The following NPAS1 variants were observed in gnomAD, a reference collection of about 807,000 sequenced individuals.
NPAS1 encodes neuronal PAS domain protein 1, also known as neuronal PAS domain-containing protein 1.
Under a neutral mutation model 49.2 loss-of-function variants are expected in NPAS1, and 29 were observed. The observed-to-expected ratio is 0.59, with a 90% CI of 0.44 to 0.80. The LOEUF (loss-of-function observed/expected upper bound fraction) is 0.80. Among genes scored for constraint, NPAS1 ranks in the 30% least tolerant of loss-of-function variants. NPAS1 has a pLI of 0.00. For missense variants in NPAS1, 825 were observed against 835.5 expected, an observed-to-expected ratio of 0.99 and a Z score of 0.15; for synonymous variants, 408 against 380.4, an observed-to-expected ratio of 1.07 and a Z score of -0.84.
Position 47,035,926 on chromosome 19 carries a change from C to G in NPAS1, c.523-38C>G. The G allele has an allele frequency of 2.0e-6, 3 of 1,475,224 alleles. No homozygotes were observed. In the South Asian group the frequency reaches 4.3e-5, roughly 21 times the overall value. 91.4% of individuals were successfully genotyped at this position (1,475,224 alleles called of 1,614,324 possible). ...GGGCGAGCGAGTTACTGCGCGCGCA[C>G]CTCACCCGCCCCCTGCATTCCCCTC... On this transcript the variant is annotated intron_variant, in intron 5 of 11. Coordinates refer to ENST00000602212, the MANE Select transcript of NPAS1 (RefSeq NM_002517.4).
chr19:47,036,236 ACTGTGTAGAACGAAT>A, intron 6 of NPAS1, 107 bp downstream of exon 6: 1 of 1,158,674 alleles, frequency 8.6e-7, no homozygotes, highest in Non-Finnish European at 1.2e-6. Context: ...TGAAGTTAGA[ACTGTGTAGAACGAAT>A]CTTTGCAAAA....
At chr19:47,036,183 C>T in intron 6 of NPAS1, 54 bp downstream of exon 6, 4 of 1,510,316 alleles carry the variant, frequency 2.6e-6, no homozygotes, top group Non-Finnish European at 3.6e-6. Context: ...GGGGGACGCC[C>T]GCTGTACTGT....
Position 47,045,046 on chromosome 19 carries a change from C to G in NPAS1, c.1313-145C>G, listed in dbSNP as rs1237545390. Reference sequence around the variant, plus strand: ...CTCCGTCTCACAAAAAAACAAAAAACAAAAACAAAACAAACAAACAAAAAA... The same window carrying G: ...CTCCGTCTCACAAAAAAACAAAAAAGAAAAACAAAACAAACAAACAAAAAA... On this transcript the variant is annotated intron_variant, in intron 11 of 11. Coordinates refer to ENST00000602212, the MANE Select transcript of NPAS1 (RefSeq NM_002517.4). The G allele has an allele frequency of 9.5e-6, 8 of 842,968 alleles. No individual in the cohort carries two copies. In the South Asian group the frequency reaches 1.2e-4, roughly 12 times the overall value. 52.2% of individuals were successfully genotyped at this position (842,968 alleles called of 1,614,324 possible).
chr19:47,020,480 C>T (rs1013805643), intron 1 of NPAS1, among the ~76,000 whole-genome samples: 1 of 151,920 alleles, frequency 6.6e-6, no homozygotes, highest in Non-Finnish European at 1.5e-5. Context: ...GGGGGGATCC[C>T]TGGGCAGGAC....
At chr19:47,037,895 C>T (rs892534079) in intron 6 of NPAS1, among the ~76,000 whole-genome samples, 1 of 152,170 alleles carries the variant, frequency 6.6e-6, no homozygotes. Context: ...TTGCTATTCC[C>T]CAATCCCCTG....
rs190280838 is a variant in NPAS1, at chr19:47,034,256, G to A, written c.522+1524G>A. Among the ~76,000 whole-genome samples, 3 of 148,402 alleles carry A rather than the reference G, an allele frequency of 2.0e-5. No individual in the cohort carries two copies. The East Asian group carries it at 6.1e-4, about 30-fold the overall frequency. ...TTGAACCCAGGAAGTGGAGGGTACA[G>A]TGAGCCGAGATCGTGGCATTGCACT... On this transcript the variant is annotated intron_variant, in intron 5 of 11. Coordinates refer to ENST00000602212, the MANE Select transcript of NPAS1 (RefSeq NM_002517.4).
chr19:47,027,558 GTCTGCCCCTGGTCTCCCTTCTC>G (rs1490144240), intron 3 of NPAS1, among the ~76,000 whole-genome samples: 649 of 18,660 alleles, frequency 0.035, 316 homozygotes, highest in Middle Eastern at 0.1. Context: ...TCTCCTGTCT[GTCTGCCCCTGGTCTCCCTTCTC>G]TCTGCCCCTG....
In NPAS1 at chr19:47,029,055, G is replaced by A. The variant is rs997081602; in HGVS notation, c.359-3223G>A. Among the ~76,000 whole-genome samples the A allele has an allele frequency of 2.1e-5, 3 of 143,960 alleles. No homozygotes were observed. In the South Asian group the frequency reaches 6.6e-4, roughly 32 times the overall value. 94.4% of individuals were successfully genotyped at this position (143,960 alleles called of 152,430 possible). ...CTCTCCATGTCTATTTTTTTTTTTAGTTTTTGTTTGTTTGTTTGTTTTTGT... is the reference window on the plus strand; with the variant it reads ...CTCTCCATGTCTATTTTTTTTTTTAATTTTTGTTTGTTTGTTTGTTTTTGT... On this transcript the variant is annotated intron_variant, in intron 3 of 11. Coordinates refer to ENST00000602212, the MANE Select transcript of NPAS1 (RefSeq NM_002517.4).
chr19:47,022,174 C>T (rs2056846512), intron 3 of NPAS1, among the ~76,000 whole-genome samples: 1 of 152,158 alleles, frequency 6.6e-6, no homozygotes, highest in Admixed American at 6.5e-5. Context: ...GCTGCATGAG[C>T]GGGACAGAGG....
chr19:47,042,949 C>T lies in NPAS1; in HGVS notation c.1312+45C>T, dbSNP rs545194106. ...TTGGCCCCTGGGAAGCTCCAAGGAA[C>T]CTTTGGGTCCTGGCTGTCCATTCCA... On this transcript the variant is annotated intron_variant, in intron 11 of 11. Coordinates refer to ENST00000602212, the MANE Select transcript of NPAS1 (RefSeq NM_002517.4). 4.2e-6 allele frequency: 6 copies of T among 1,423,648 alleles called. No individual in the cohort carries two copies. In the African/African-American group the frequency reaches 5.8e-5, roughly 14 times the overall value. 88.2% of individuals were successfully genotyped at this position (1,423,648 alleles called of 1,614,324 possible). A position where few individuals can be genotyped will look rare whatever the true frequency, so the allele number is the denominator to read the frequency against.
intron 10 of NPAS1, among the ~76,000 whole-genome samples, chr19:47,042,223 T>C (rs1364557819): frequency 1.4e-5 from 2 of 147,582 alleles, no homozygotes; most frequent in Non-Finnish European, 3.0e-5. Context: ...GCAGGAGAAT[T>C]ACTTGAACCC....
At chr19:47,032,393 C>T in intron 4 of NPAS1, 42 bp downstream of exon 4, 1 of 1,595,766 alleles carries the variant, frequency 6.3e-7, no homozygotes, top group Middle Eastern at 1.7e-4. Context: ...CTTGCTACCA[C>T]CTAGCGGCCG....
intron 11 of NPAS1, among the ~76,000 whole-genome samples, chr19:47,044,183 C>T (rs2057050715): frequency 6.6e-6 from 1 of 152,232 alleles, no homozygotes; most frequent in Non-Finnish European, 1.5e-5. Flanking sequence ...AAGTGATTCT[C>T]CTGCCTCAGC....
At chr19:47,035,379 T>A (rs2056944275) in intron 5 of NPAS1, 1 of 152,316 alleles carries the variant, frequency 6.6e-6, no homozygotes, top group South Asian at 2.1e-4. Flanking sequence ...TGCAGAGGCA[T>A]CTTTGAACTG....
rs576573408 is a variant in NPAS1 at position 47,021,354 on chromosome 19, C to T, written c.122+185C>T. On this transcript the variant is annotated intron_variant, in intron 2 of 11. Transcript: ENST00000602212. This position sits in a 1 kb window ranked among gnomAD's most constrained non-coding sequence, Gnocchi z 5.7. ...GTCCCCTGCGTTCTGCTTCTAGTCCCGGTCCTCAGAATTCACGCCCAACAT... is the reference window on the plus strand; with the variant it reads ...GTCCCCTGCGTTCTGCTTCTAGTCCTGGTCCTCAGAATTCACGCCCAACAT... Among the ~76,000 whole-genome samples, 39 of 152,364 alleles carry T rather than the reference C, an allele frequency of 2.6e-4. No homozygotes were observed. Among genetic ancestry groups the T allele is most frequent in the African/African-American group, 7.7e-4 (32 of 41,594 alleles).
chr19:47,027,663 C>T (rs1206555607), intron 3 of NPAS1, among the ~76,000 whole-genome samples: 2 of 45,176 alleles, frequency 4.4e-5, no homozygotes, highest in African/African-American at 1.5e-4. Context: ...CCTGGTCTCC[C>T]TTCTCTCTGC....
rs770000330 is a variant in NPAS1, at chr19:47,042,946, G to A, written c.1312+42G>A. 5.5e-6 allele frequency: 8 copies of A among 1,444,926 alleles called. No homozygotes were observed. In the East Asian group the frequency reaches 2.1e-4, roughly 38 times the overall value. 89.5% of individuals were successfully genotyped at this position (1,444,926 alleles called of 1,614,324 possible). Reference sequence around the variant, plus strand: ...ACCTTGGCCCCTGGGAAGCTCCAAGGAACCTTTGGGTCCTGGCTGTCCATT... The same window carrying A: ...ACCTTGGCCCCTGGGAAGCTCCAAGAAACCTTTGGGTCCTGGCTGTCCATT... On this transcript the variant is annotated intron_variant, in intron 11 of 11. Transcript: ENST00000602212.
In NPAS1 at chr19:47,041,359, G is replaced by T. The variant is rs1363760; in HGVS notation, c.1217+234G>T. Among the ~76,000 whole-genome samples, 88 of 152,202 alleles carry T rather than the reference G, an allele frequency of 5.8e-4. No homozygotes were observed. The East Asian group carries it at 8.9e-3, about 15-fold the overall frequency. On this transcript the variant is annotated intron_variant, in intron 10 of 11. Transcript: ENST00000602212. Reference sequence around the variant, plus strand: ...GAGGGGGACAGTATCTTTGAGGAAGGCAGGGGCAGGCTCACAGCCTCCTCA... The same window carrying T: ...GAGGGGGACAGTATCTTTGAGGAAGTCAGGGGCAGGCTCACAGCCTCCTCA...
intron 3 of NPAS1, among the ~76,000 whole-genome samples, chr19:47,024,083 G>A (rs949326317): frequency 1.1e-4 from 16 of 151,868 alleles, no homozygotes; most frequent in African/African-American, 3.9e-4. Flanking sequence ...CCAGACTAGT[G>A]ACAGAGCAAG....
Sources: allele counts gnomAD v4.1 joint callset (sites outside exome capture counted in the v4.1 genomes callset), GRCh38; gene constraint gnomAD v4.1.1; non-coding constraint Gnocchi (gnomAD v3.1); transcripts MANE v1.5; gene names NCBI Gene and HGNC (gene_info 2026-07-23, HGNC 2026-07-21).